The following STKLD1 variants were observed in gnomAD, a reference collection of about 807,000 sequenced individuals.
STKLD1 encodes serine/threonine kinase like domain containing 1, also known as serine/threonine kinase-like domain-containing protein STKLD1.
Under a neutral mutation model 80.4 loss-of-function variants are expected in STKLD1, and 79 were observed. The ratio of observed to expected loss-of-function variants is 0.98; its 90% confidence interval spans 0.82 to 1.19. The LOEUF (loss-of-function observed/expected upper bound fraction) is 1.19. STKLD1 is among the 50% of genes most tolerant of loss of function. STKLD1 has a pLI of 0.00. For missense variants in STKLD1, 841 were observed against 856.0 expected (o/e 0.98, Z 0.22); for synonymous variants, 393 against 357.6 (o/e 1.10, Z -1.12).
In STKLD1 at chr9:133,379,130, G is replaced by A; in HGVS notation, c.174+8G>A. 1 of 1,612,862 alleles carries A rather than the reference G, an allele frequency of 6.2e-7. No homozygotes were observed. The highest frequency in any genetic ancestry group is 1.3e-5 in the African/African-American group (1 of 75,010). ...AAGCATGTGATAAAGCAGGTAAGAGGCCAAGCCTGTGCATCCCATGCCGGG... is the reference window on the plus strand; with the variant it reads ...AAGCATGTGATAAAGCAGGTAAGAGACCAAGCCTGTGCATCCCATGCCGGG... On this transcript the variant is annotated splice_region_variant and intron_variant, in intron 2 of 17. Coordinates refer to ENST00000371957, the MANE Select transcript of STKLD1 (RefSeq NM_153710.5).
chr9:133,390,784 C>T lies in STKLD1; in HGVS notation c.571C>T (p.Arg191Cys), dbSNP rs2130287306. The T allele has an allele frequency of 7.4e-6, 12 of 1,613,394 alleles. No individual in the cohort carries two copies. The highest frequency in any genetic ancestry group is 1.6e-4 in the Middle Eastern group (1 of 6,080). The change falls in exon 7 of 18, where the codon CGT becomes TGT. Residue 191 changes from arginine (R) to cysteine (C), a missense_variant. Physicochemically the swap from Arg to Cys is radical, Grantham distance 180 (BLOSUM62 -3). Coordinates refer to ENST00000371957, the MANE Select transcript of STKLD1 (RefSeq NM_153710.5). The surrounding 1 kb of genome is among the most constrained non-coding windows in gnomAD (Gnocchi z 5.1). ...GACAGACAAAGCCAAATGGAATATT[C>T]GTGCGGAGGAAGGTGGCAGGGGCTC... ...LMTDKAKWNI[R>C]AEEDPFRKSW... is the part of the protein sequence containing the mutation.
rs1838335288 is a variant in STKLD1 at position 133,389,544 on chromosome 9, G to A, written c.415G>A (p.Gly139Ser). Residue 139 changes from glycine to serine, a missense_variant, in exon 6 of 18, where the codon GGC becomes AGC. By Grantham distance (56) the Gly-to-Ser change is moderately conservative. Transcript: ENST00000371957. The surrounding 1 kb of genome is among the most constrained non-coding windows in gnomAD (Gnocchi z 6.4). ...CCCCCAGTGGATGCAGAATGTGCTG[G>A]GCCAGGTGCTGGACGCGCTGGAATA... The part of the protein sequence containing the change: ...IDSEWMQNVL[G>S]QVLDALEYLH... 1.2e-6 allele frequency: 2 copies of A among 1,613,286 alleles called. No homozygotes were observed. The highest frequency in any genetic ancestry group is 3.3e-5 in the Admixed American group (2 of 59,982).
At position 133,399,343 on chromosome 9, in the gene STKLD1, A is replaced by G. The variant is rs1838637671; in HGVS notation, c.1082-1070A>G. ...TGCAGTGGCTCGGGCCTCAGAGGTGACAAGGCCCAGCCCTGGCCTTTGAGT... is the reference window on the plus strand; with the variant it reads ...TGCAGTGGCTCGGGCCTCAGAGGTGGCAAGGCCCAGCCCTGGCCTTTGAGT... On this transcript the variant is annotated intron_variant, in intron 11 of 17. Transcript: ENST00000371957. Among the ~76,000 whole-genome samples, 5 of 152,204 alleles carry G rather than the reference A, an allele frequency of 3.3e-5. No individual in the cohort carries two copies. The South Asian group carries it at 1.0e-3, about 32-fold the overall frequency.
chr9:133,391,653 T>G (rs1455913331), intron 7 of STKLD1, among the ~76,000 whole-genome samples: 1 of 152,036 alleles, frequency 6.6e-6, no homozygotes, highest in Admixed American at 6.6e-5. Flanking sequence ...GTTTAACAGA[T>G]GCTTGAAGGC....
chr9:133,379,399 C>A (rs1216993478), intron 2 of STKLD1, among the ~76,000 whole-genome samples: 1 of 152,234 alleles, frequency 6.6e-6, no homozygotes, highest in Admixed American at 6.5e-5. Flanking sequence ...ACTTCATCTC[C>A]CGTCAACCCT....
At chr9:133,395,815 CT>C in intron 9 of STKLD1, 52 bp downstream of exon 9, 1 of 1,572,450 alleles carries the variant, frequency 6.4e-7, no homozygotes, top group Non-Finnish European at 8.7e-7. Context: ...CTTTCAACAT[CT>C]CTCCACCCTA....
intron 1 of STKLD1, among the ~76,000 whole-genome samples, chr9:133,377,735 T>G (rs1163066295): frequency 6.6e-6 from 1 of 152,172 alleles, no homozygotes; most frequent in Non-Finnish European, 1.5e-5. Flanking sequence ...AGACAATTTT[T>G]CCACAGATGG....
intron 14 of STKLD1, 32 bp from the exon 15 acceptor site, chr9:133,403,668 G>A (rs2130690799): frequency 6.2e-7 from 1 of 1,604,040 alleles, no homozygotes; most frequent in East Asian, 2.2e-5. Flanking sequence ...CCAAGGCCTG[G>A]GTGTCCCCTT....
rs2130287365 is a variant in STKLD1 at position 133,390,789 on chromosome 9, G to A, written c.576G>A (p.Ala192=). 4.0e-5 allele frequency: 64 copies of A among 1,613,068 alleles called. No individual in the cohort carries two copies. Among genetic ancestry groups the A allele is most frequent in the Admixed American group, 5.0e-5 (3 of 59,994 alleles). ...ACAAAGCCAAATGGAATATTCGTGC[G>A]GAGGAAGGTGGCAGGGGCTCCCCCA... is the stretch of plus-strand genomic sequence containing the variant. ...MTDKAKWNIR[A]EEDPFRKSWM... is the part of the protein sequence containing the mutation. The change falls in exon 7 of 18, where the codon GCG becomes GCA. Residue 192 remains alanine, a synonymous_variant. Transcript: ENST00000371957. This position sits in a 1 kb window ranked among gnomAD's most constrained non-coding sequence, Gnocchi z 5.1.
intron 13 of STKLD1, among the ~76,000 whole-genome samples, chr9:133,402,255 G>A (rs1838726793): frequency 6.6e-6 from 1 of 152,142 alleles, no homozygotes; most frequent in Non-Finnish European, 1.5e-5. Context: ...AGCCAGGACT[G>A]TGGGAAGGAG....
intron 16 of STKLD1, 130 bp from the exon 17 acceptor site, chr9:133,404,659 C>T: frequency 7.5e-7 from 1 of 1,339,462 alleles, no homozygotes; most frequent in Non-Finnish European, 1.0e-6. Context: ...CTGATGGGGC[C>T]TCCTGGGTCC....
intron 2 of STKLD1, among the ~76,000 whole-genome samples, 180 bp from the exon 3 acceptor site, chr9:133,383,676 G>A (rs1474421724): frequency 6.6e-6 from 1 of 152,066 alleles, no homozygotes; most frequent in Non-Finnish European, 1.5e-5. Flanking sequence ...TGATGGTGAT[G>A]GTGATGATGG....
chr9:133,383,326 G>A (rs1461730702), intron 2 of STKLD1, among the ~76,000 whole-genome samples: 12 of 2,404 alleles, frequency 5.0e-3, no homozygotes, highest in Admixed American at 0.014. Context: ...TGTGATGATG[G>A]TGGTGATGGT....
At chr9:133,400,220 C>T (rs1838663597) in intron 11 of STKLD1, among the ~76,000 whole-genome samples, 193 bp from the exon 12 acceptor site, 1 of 152,208 alleles carries the variant, frequency 6.6e-6, no homozygotes, top group Non-Finnish European at 1.5e-5. Context: ...CTGTGGGCAG[C>T]ACAGAGCAGG....
intron 2 of STKLD1, among the ~76,000 whole-genome samples, chr9:133,383,292 ATG>A (rs1491387091): frequency 0.45 from 1,126 of 2,506 alleles, 164 homozygotes; most frequent in African/African-American, 0.49. Context: ...TGGTGTGATG[ATG>A]TGATGGTGGT....
chr9:133,405,564 G>A lies in STKLD1; in HGVS notation c.*143G>A, dbSNP rs897863169. 15 of 776,600 alleles carry A rather than the reference G, an allele frequency of 1.9e-5. No homozygotes were observed. The highest frequency in any genetic ancestry group is 3.1e-5 in the East Asian group (1 of 32,404). 48.1% of individuals were successfully genotyped at this position (776,600 alleles called of 1,614,324 possible). A position where few individuals can be genotyped will look rare whatever the true frequency, so the allele number is the denominator to read the frequency against. On this transcript the variant is annotated 3_prime_UTR_variant, in exon 18 of 18. Transcript: ENST00000371957. ...ATCAGACCTCTCCAAAGAGTTTCCT[G>A]TCCATGACTGCTGGATTGAGTCACA...
At chr9:133,404,081 A>G in intron 16 of STKLD1, 33 bp downstream of exon 16, 1 of 1,539,626 alleles carries the variant, frequency 6.5e-7, no homozygotes, top group South Asian at 1.2e-5. Flanking sequence ...GCTGCCACCT[A>G]GAGGTGGGGG....
Position 133,395,700 on chromosome 9 carries a change from A to G in STKLD1, c.803A>G (p.Glu268Gly). The G allele has an allele frequency of 6.2e-7, 1 of 1,613,534 alleles. No homozygotes were observed. Among genetic ancestry groups the G allele is most frequent in the Non-Finnish European group, 8.5e-7 (1 of 1,180,034 alleles). ...GAGGAGAAGCAGATCCCGGATGTGGAAACCTTCAGGAATCTTCTGCCCTTG... is the reference window on the plus strand; with the variant it reads ...GAGGAGAAGCAGATCCCGGATGTGGGAACCTTCAGGAATCTTCTGCCCTTG... ...TMEEKQIPDVETFRNLLPLML... is the reference protein window; with the variant it reads ...TMEEKQIPDVGTFRNLLPLML... The change falls in exon 9 of 18, where the codon GAA (glutamate) becomes GGA (glycine). Residue 268 changes from glutamate to glycine, a missense_variant. Physicochemically the swap from Glu to Gly is moderately conservative, Grantham distance 98. Coordinates refer to ENST00000371957, the MANE Select transcript of STKLD1 (RefSeq NM_153710.5).
At chr9:133,396,522 G>T (rs1838568771) in intron 9 of STKLD1, among the ~76,000 whole-genome samples, 1 of 152,190 alleles carries the variant, frequency 6.6e-6, no homozygotes, top group Non-Finnish European at 1.5e-5. Flanking sequence ...GGGAGGCTGA[G>T]GTGGGTGGAT....
Sources: allele counts gnomAD v4.1 joint callset (sites outside exome capture counted in the v4.1 genomes callset), GRCh38; gene constraint gnomAD v4.1.1; non-coding constraint Gnocchi (gnomAD v3.1); transcripts MANE v1.5; gene names NCBI Gene and HGNC (gene_info 2026-07-23, HGNC 2026-07-21).